Variants in GCKR observed in about 807,000 individuals in gnomAD.
GCKR encodes glucokinase regulator.
A neutral mutation model predicts 82.9 loss-of-function variants in GCKR; 73 were observed. The ratio of observed to expected loss-of-function variants is 0.88; its 90% CI spans 0.73 to 1.07. GCKR has a LOEUF of 1.07. Among genes scored for constraint, GCKR ranks in the 50% least tolerant of loss-of-function variants. The probability of loss-of-function intolerance (pLI) is 0.00; values close to 1 mark genes in which losing one functional copy is unlikely to be tolerated. For missense variants in GCKR, 784 were observed against 782.1 expected (o/e 1.00, Z -0.03); for synonymous variants, 294 against 291.8 (o/e 1.01, Z -0.08).
At chr2:27,522,115 A>G (rs1022998625) in intron 17 of GCKR, among the ~76,000 whole-genome samples, 2 of 152,206 alleles carry the variant, frequency 1.3e-5, no homozygotes, top group Admixed American at 6.5e-5. Context: ...ACAGTCTTAC[A>G]TTAGTGTGCA....
Position 27,496,954 on chromosome 2 carries a change from G to T in GCKR, c.50G>T (p.Gly17Val). The part of the protein sequence containing the change: ...FQHVIETPEP[G>V]KWELSGYEAA... ...CATGTCATTGAGACCCCGGAGCCTG[G>T]CAAGTGGGAGGTGAGACCCCTTCTT... The change falls in exon 1 of 19, where the codon GGC (glycine) becomes GTC (valine). Residue 17 changes from glycine (G) to valine (V), a missense_variant. Coordinates refer to ENST00000264717, the MANE Select transcript of GCKR (RefSeq NM_001486.4). The T allele has an allele frequency of 1.2e-6, 2 of 1,613,110 alleles. 1 individual carries two copies.
At chr2:27,518,349 A>G (rs1042874952) in intron 16 of GCKR, among the ~76,000 whole-genome samples, 25 of 152,244 alleles carry the variant, frequency 1.6e-4, no homozygotes, top group African/African-American at 6.0e-4. Flanking sequence ...CCCGGCCTCA[A>G]CAAATGTATT....
chr2:27,504,600 G>A (rs944115832), intron 9 of GCKR, among the ~76,000 whole-genome samples: 8 of 151,452 alleles, frequency 5.3e-5, no homozygotes, highest in Non-Finnish European at 8.8e-5. Flanking sequence ...CGCCCGCCTC[G>A]GCCTCCCAAA....
intron 16 of GCKR, among the ~76,000 whole-genome samples, chr2:27,513,024 C>T (rs752092575): frequency 9.9e-5 from 15 of 152,014 alleles, no homozygotes; most frequent in Admixed American, 2.6e-4. Context: ...TCAGTTTGCC[C>T]CTTTATTGGT....
At chr2:27,521,335 T>A (rs1047964527) in intron 17 of GCKR, among the ~76,000 whole-genome samples, 1 of 141,320 alleles carries the variant, frequency 7.1e-6, no homozygotes, top group Non-Finnish European at 1.6e-5. Flanking sequence ...TGAAATCACA[T>A]TTTTTTTTTT....
chr2:27,509,330 C>T (rs750253434), intron 16 of GCKR, among the ~76,000 whole-genome samples: 3 of 152,082 alleles, frequency 2.0e-5, no homozygotes, highest in South Asian at 4.2e-4. Flanking sequence ...ACTCTCCTTC[C>T]AATGTCTTTC....
chr2:27,517,340 C>G (rs1338099702), intron 16 of GCKR, among the ~76,000 whole-genome samples: 1 of 152,018 alleles, frequency 6.6e-6, no homozygotes. Flanking sequence ...TTTAATTGAC[C>G]CACAGTTCAG....
rs1290374570 is a variant in GCKR, at chr2:27,518,816, G to A, written c.1451G>A (p.Trp484Ter). ...TTCCAGCGTGAGCTAAGCACCAAAT[G>A]GGTGCTGAATACAGTGAGTACAGGT... ...QKFQRELSTK[W>*]VLNTVSTGAH... Residue 484 changes from tryptophan (W) to a stop codon, truncating the protein, a stop_gained, in exon 17 of 19, where the codon TGG (tryptophan) becomes TAG (stop). Transcript: ENST00000264717. LOFTEE classifies it high-confidence loss of function. 1 of 1,610,962 alleles carries A rather than the reference G, an allele frequency of 6.2e-7. No homozygotes were observed. The highest frequency in any genetic ancestry group is 1.7e-5 in the Admixed American group (1 of 60,024).
chr2:27,516,522 T>G (rs1670014817), intron 16 of GCKR, among the ~76,000 whole-genome samples: 1 of 152,032 alleles, frequency 6.6e-6, no homozygotes, highest in South Asian at 2.1e-4. Flanking sequence ...CTCAAACTCC[T>G]GACTTCAAGT....
Position 27,503,620 on chromosome 2 carries a change from G to T in GCKR, c.750+1G>T. The T allele has an allele frequency of 6.5e-7, 1 of 1,530,284 alleles. No individual in the cohort carries two copies. The highest frequency in any genetic ancestry group is 2.2e-5 in the East Asian group (1 of 44,514). 94.8% of individuals were successfully genotyped at this position (1,530,284 alleles called of 1,614,324 possible). A position where few individuals can be genotyped will look rare whatever the true frequency, so the allele number is the denominator to read the frequency against. ...TTTTGTGCTCAATCCTGCCATCGGG[G>T]TAGGGCCTCTCCTTTTTCTATGTTC... On this transcript the variant is annotated splice_donor_variant, in intron 9 of 18. Coordinates refer to ENST00000264717, the MANE Select transcript of GCKR (RefSeq NM_001486.4). LOFTEE classifies it high-confidence loss of function.
At chr2:27,519,024 T>C in intron 17 of GCKR, 87 bp downstream of exon 17, 2 of 1,213,746 alleles carry the variant, frequency 1.6e-6, no homozygotes, top group Non-Finnish European at 2.4e-6. Context: ...GATATGGAAA[T>C]GTGCAAGGGT....
rs377542575 is a variant in GCKR, at chr2:27,507,307, A to G, written c.1139A>G (p.Asn380Ser). Reference sequence around the variant, plus strand: ...TTTAACCAGAAGGCTGAGCTCACCAACCAGGTCGGAGAAGAACAGGACTTG... The same window carrying G: ...TTTAACCAGAAGGCTGAGCTCACCAGCCAGGTCGGAGAAGAACAGGACTTG... ...DMFNQKAELT[N>S]QGPQFTFSQE... Residue 380 changes from asparagine to serine, a missense_variant, in exon 13 of 19, where the codon AAC (asparagine) becomes AGC (serine). By Grantham distance (46) the Asn-to-Ser change is conservative (BLOSUM62 1). Transcript: ENST00000264717. The G allele has an allele frequency of 5.6e-6, 9 of 1,602,754 alleles. No individual in the cohort carries two copies. Among genetic ancestry groups the G allele is most frequent in the East Asian group, 4.5e-5 (2 of 44,842 alleles).
rs752372078 is a variant in GCKR, at chr2:27,498,793, G to A, written c.424G>A (p.Asp142Asn). The change falls in exon 5 of 19, where the codon GAC (aspartate) becomes AAC (asparagine). Residue 142 changes from aspartate (D) to asparagine (N), a missense_variant. Asp to Asn is a conservative substitution (Grantham distance 23, BLOSUM62 1). Transcript: ENST00000264717. ...TTACACCTACCTCATTGCAGGTGGTGACAGGTAAGCCAAGTTAGCCTATGA... is the reference window on the plus strand; with the variant it reads ...TTACACCTACCTCATTGCAGGTGGTAACAGGTAAGCCAAGTTAGCCTATGA... ...PLYTYLIAGG[D>N]RSVVASREGT... is the part of the protein sequence containing the mutation. 6.3e-7 allele frequency: 1 copy of A among 1,585,212 alleles called. No individual in the cohort carries two copies. The highest frequency in any genetic ancestry group is 8.7e-7 in the Non-Finnish European group (1 of 1,153,624).
intron 9 of GCKR, among the ~76,000 whole-genome samples, chr2:27,505,423 A>G (rs913843489): frequency 4.6e-5 from 7 of 151,450 alleles, no homozygotes; most frequent in African/African-American, 1.5e-4. Context: ...AAAAAAAGAA[A>G]AAAAAAGAAA....
At position 27,496,944 on chromosome 2, in the gene GCKR, C is replaced by T. The variant is rs756735035; in HGVS notation, c.40C>T (p.Pro14Ser). Residue 14 changes from proline to serine, a missense_variant, in exon 1 of 19, where the codon CCG (proline) becomes TCG (serine). By Grantham distance (74) the Pro-to-Ser change is moderately conservative (BLOSUM62 -1). Coordinates refer to ENST00000264717, the MANE Select transcript of GCKR (RefSeq NM_001486.4). ...TKRFQHVIET[P>S]EPGKWELSGY... ...ACGGTTTCAACATGTCATTGAGACC[C>T]CGGAGCCTGGCAAGTGGGAGGTGAG... 8 of 1,613,602 alleles carry T rather than the reference C, an allele frequency of 5.0e-6. No homozygotes were observed. In the Admixed American group the frequency reaches 1.2e-4, roughly 24 times the overall value.
chr2:27,498,637 A>G, intron 4 of GCKR, 87 bp from the exon 5 acceptor site: 1 of 836,844 alleles, frequency 1.2e-6, no homozygotes, highest in Non-Finnish European at 2.1e-6. Flanking sequence ...GAATCATTAT[A>G]TAGTCTCTGC....
In GCKR at chr2:27,503,518, G is replaced by T. The variant is rs748862193; in HGVS notation, c.649G>T (p.Asp217Tyr). 1.9e-6 allele frequency: 3 copies of T among 1,554,188 alleles called. No individual in the cohort carries two copies. The highest frequency in any genetic ancestry group is 1.7e-5 in the Admixed American group (1 of 59,908). The change falls in exon 9 of 19, where the codon GAC becomes TAC. Residue 217 changes from aspartate to tyrosine, a missense_variant. Transcript: ENST00000264717. ...GFNPVSMARN[D>Y]PIEDWSSTFR... ...TTGTGTCTCTCTGGACCTCAGAAAT[G>T]ACCCCATTGAAGACTGGAGTTCAAC...
rs558587102 is a variant in GCKR at position 27,522,003 on chromosome 2, T to A, written c.1573-457T>A. ...CCTCCCAAAGTGCTGGGATTACAGG[T>A]GTGACCCACTGTGCCCAGCCTTGCA... On this transcript the variant is annotated intron_variant, in intron 17 of 18. Coordinates refer to ENST00000264717, the MANE Select transcript of GCKR (RefSeq NM_001486.4). Among the ~76,000 whole-genome samples, 5 of 152,236 alleles carry A rather than the reference T, an allele frequency of 3.3e-5. No individual in the cohort carries two copies. The South Asian group carries it at 1.0e-3, about 32-fold the overall frequency.
intron 16 of GCKR, among the ~76,000 whole-genome samples, chr2:27,517,252 T>C (rs568427516): frequency 6.6e-6 from 1 of 152,146 alleles, no homozygotes; most frequent in Non-Finnish European, 1.5e-5. Flanking sequence ...GACCTCATGA[T>C]CCGCCCACCT....
Sources: gnomAD v4.1 joint callset for allele counts (sites outside exome capture counted in the v4.1 genomes callset) on GRCh38, gnomAD v4.1.1 for gene constraint, MANE v1.5 for transcripts, NCBI Gene and HGNC (gene_info 2026-07-23, HGNC 2026-07-21) for gene names.